The following MAP7 variants were observed in gnomAD, a reference collection of about 807,000 sequenced individuals.
The protein encoded by MAP7 is microtubule associated protein 7, also known as ensconsin.
MAP7 carries 52 observed loss-of-function variants against 94.8 expected under a neutral mutation model. The observed-to-expected ratio is 0.55, with a 90% CI of 0.44 to 0.69. The LOEUF (loss-of-function observed/expected upper bound fraction) is 0.69. Among genes scored for constraint, MAP7 ranks in the 30% least tolerant of loss-of-function variants. The pLI is 0.00. For missense variants in MAP7, 940 were observed against 964.6 expected (o/e 0.97, Z 0.34); for synonymous variants, 350 against 357.0 (o/e 0.98, Z 0.22).
intron 8 of MAP7, among the ~76,000 whole-genome samples, chr6:136,367,221 G>A (rs1360360998): frequency 6.6e-6 from 1 of 152,188 alleles, no homozygotes; most frequent in Non-Finnish European, 1.5e-5. Context: ...CTACTCTAAA[G>A]TCAATGAAGA....
chr6:136,421,724 T>A lies in MAP7; in HGVS notation c.143A>T (p.Asn48Ile), dbSNP rs1791423298. The A allele has an allele frequency of 6.2e-7, 1 of 1,613,940 alleles. No individual in the cohort carries two copies. The highest frequency in any genetic ancestry group is 1.3e-5 in the African/African-American group (1 of 74,952). The part of the protein sequence containing the change: ...RPASAISGQN[N>I]NHSGNKPDPP... The stretch of plus-strand genomic sequence containing the variant: ...ACCTGGTTTATTTCCTGAGTGGTTG[T>A]TATTTTGTCCTGAAATTGCAGAGGC... Residue 48 changes from asparagine to isoleucine, a missense_variant, in exon 2 of 18, where the codon AAC (asparagine) becomes ATC (isoleucine). Transcript: ENST00000354570.
chr6:136,406,901 C>A (rs1021547632), intron 3 of MAP7, among the ~76,000 whole-genome samples: 1 of 152,142 alleles, frequency 6.6e-6, no homozygotes, highest in African/African-American at 2.4e-5. Flanking sequence ...TTAACGATTC[C>A]ATTTTTCTGA....
At chr6:136,471,060 C>A (rs1374487012) in intron 1 of MAP7, among the ~76,000 whole-genome samples, 1 of 152,056 alleles carries the variant, frequency 6.6e-6, no homozygotes, top group Non-Finnish European at 1.5e-5. Context: ...TTTTAACAGG[C>A]AAATGCTGAG....
In MAP7 at chr6:136,389,468, G is replaced by A. The variant is rs150964957; in HGVS notation, c.294C>T (p.His98=). ...TCCGCTCTTCCAGGTGCTTCTCGTA[G>A]TGCTGCCTGGCTCGCTCTTCTCTTT... ...WLEREERARQ[H]YEKHLEERKK... Residue 98 remains histidine, a synonymous_variant, in exon 4 of 18, where the codon CAC becomes CAT. Transcript: ENST00000354570. 5.0e-6 allele frequency: 8 copies of A among 1,610,194 alleles called. No homozygotes were observed. The African/African-American group carries it at 9.4e-5, about 19-fold the overall frequency.
intron 1 of MAP7, among the ~76,000 whole-genome samples, chr6:136,540,514 G>A (rs778620288): frequency 6.6e-6 from 1 of 152,158 alleles, no homozygotes; most frequent in Non-Finnish European, 1.5e-5. Flanking sequence ...GAGTATATGT[G>A]TGCATACTTA....
chr6:136,512,720 A>G (rs1185176376), intron 1 of MAP7, among the ~76,000 whole-genome samples: 1 of 152,154 alleles, frequency 6.6e-6, no homozygotes. Context: ...GAATCATTGG[A>G]GCCTTTAGTG....
Position 136,351,220 on chromosome 6 carries a change from C to T in MAP7, c.2016-5141G>A, listed in dbSNP as rs1789085969. ...AAACTGTTCCTTGGTGATACTGACT[C>T]CTTGTGTTTTGATGGTAAAAAAAAA... is the stretch of plus-strand genomic sequence containing the variant. On this transcript the variant is annotated intron_variant, in intron 16 of 17. Coordinates refer to ENST00000354570, the MANE Select transcript of MAP7 (RefSeq NM_003980.6). Among the ~76,000 whole-genome samples, 4 of 150,440 alleles carry T rather than the reference C, an allele frequency of 2.7e-5. No individual in the cohort carries two copies. The South Asian group carries it at 8.4e-4, about 32-fold the overall frequency.
Position 136,356,798 on chromosome 6 carries a change from G to C in MAP7, c.1913-4C>G. 1 of 1,611,898 alleles carries C rather than the reference G, an allele frequency of 6.2e-7. No individual in the cohort carries two copies. The highest frequency in any genetic ancestry group is 8.5e-7 in the Non-Finnish European group (1 of 1,178,148). ...GTACATGGAAGTGCAGACACCTCTG[G>C]GCATAGTAAAGGAGACAGAACACAG... On this transcript the variant is annotated splice_region_variant and splice_polypyrimidine_tract_variant and intron_variant, in intron 15 of 17. Transcript: ENST00000354570.
chr6:136,504,654 A>G (rs541890231), intron 1 of MAP7, among the ~76,000 whole-genome samples: 20 of 151,944 alleles, frequency 1.3e-4, no homozygotes, highest in African/African-American at 4.6e-4. Context: ...CATTTCCCAT[A>G]AATATATCTT....
chr6:136,435,066 G>A (rs1197485659), intron 1 of MAP7, among the ~76,000 whole-genome samples: 1 of 152,150 alleles, frequency 6.6e-6, no homozygotes, highest in African/African-American at 2.4e-5. Context: ...CTGACAAATA[G>A]GCTCTTTTCT....
At chr6:136,367,862 A>C (rs1794714211) in intron 8 of MAP7, among the ~76,000 whole-genome samples, 1 of 147,036 alleles carries the variant, frequency 6.8e-6, no homozygotes, top group African/African-American at 2.5e-5. Context: ...ACTGGGGTTA[A>C]GTACCTCAAG....
intron 1 of MAP7, among the ~76,000 whole-genome samples, chr6:136,512,368 T>C (rs1823536496): frequency 1.3e-5 from 2 of 152,250 alleles, no homozygotes; most frequent in South Asian, 2.1e-4. Context: ...GAGAACTGTT[T>C]CAGTGGAAAA....
In MAP7 at chr6:136,377,819, G is replaced by T; in HGVS notation, c.687C>A (p.Leu229=). Residue 229 remains leucine (L), a synonymous_variant, in exon 7 of 18, where the codon CTC becomes CTA. Transcript: ENST00000354570. ...SPWESSVVNR[L]LTPTHSFLAR... ...CCAGGAACGAATGTGTGGGCGTCAG[G>T]AGTCTGTTAACAACGCTGCTCTCCC... is the stretch of plus-strand genomic sequence containing the variant. 1.9e-6 allele frequency: 3 copies of T among 1,614,128 alleles called. No homozygotes were observed. Among genetic ancestry groups the T allele is most frequent in the Non-Finnish European group, 2.5e-6 (3 of 1,180,006 alleles).
intron 1 of MAP7, among the ~76,000 whole-genome samples, chr6:136,483,149 A>T (rs2128969844): frequency 6.7e-6 from 1 of 149,964 alleles, no homozygotes; most frequent in Middle Eastern, 3.4e-3. Flanking sequence ...AAAAAAAAAG[A>T]AAAGAAAATG....
chr6:136,378,016 G>A lies in MAP7; in HGVS notation c.638-148C>T, dbSNP rs1776732664. ...TGGTTGGCCAAGAGTCAGGGCAACA[G>A]GACCCCTGTCCAGAGGGAGCAGTTA... On this transcript the variant is annotated intron_variant, in intron 6 of 17. Transcript: ENST00000354570. 5.6e-6 allele frequency: 3 copies of A among 533,070 alleles called. No homozygotes were observed. In the East Asian group the frequency reaches 8.9e-5, roughly 16 times the overall value. The allele number at this position is 533,070 out of a possible 1,614,324, so 33.0% of individuals were successfully genotyped here.
intron 1 of MAP7, among the ~76,000 whole-genome samples, chr6:136,468,236 T>G (rs948557917): frequency 1.3e-5 from 2 of 152,208 alleles, no homozygotes; most frequent in Non-Finnish European, 2.9e-5. Flanking sequence ...ATCCTGACAT[T>G]ATAGACTGGA....
chr6:136,510,132 G>T (rs1822823805), intron 1 of MAP7, among the ~76,000 whole-genome samples: 1 of 152,206 alleles, frequency 6.6e-6, no homozygotes, highest in Non-Finnish European at 1.5e-5. Context: ...AACACAGGAG[G>T]TGGAGGTTGC....
At chr6:136,403,117 A>G (rs552123378) in intron 3 of MAP7, among the ~76,000 whole-genome samples, 62 of 152,104 alleles carry the variant, frequency 4.1e-4, no homozygotes, top group African/African-American at 1.3e-3. Context: ...CATTCTCTTC[A>G]CCTGGGGCTG....
chr6:136,361,302 G>C, intron 11 of MAP7, 123 bp from the exon 12 acceptor site: 1 of 957,902 alleles, frequency 1.0e-6, no homozygotes, highest in Non-Finnish European at 1.6e-6. Flanking sequence ...ATCCCCACTG[G>C]ATGCCTTCAC....
Sources: gnomAD v4.1 joint callset for allele counts (sites outside exome capture counted in the v4.1 genomes callset) on GRCh38, gnomAD v4.1.1 for gene constraint, MANE v1.5 for transcripts, NCBI Gene and HGNC (gene_info 2026-07-23, HGNC 2026-07-21) for gene names.